The following PHKB variants were observed in gnomAD, a reference collection of about 807,000 sequenced individuals.
The protein encoded by PHKB is phosphorylase kinase regulatory subunit beta.
PHKB carries 122 observed loss-of-function variants against 152.1 expected under a neutral mutation model. The observed-to-expected ratio is 0.80, with a 90% CI of 0.69 to 0.93. PHKB has a LOEUF of 0.93. Among genes scored for constraint, PHKB ranks in the 40% least tolerant of loss-of-function variants. The probability of loss-of-function intolerance (pLI) is 0.00; values close to 1 mark genes in which losing one functional copy is unlikely to be tolerated. For missense variants in PHKB, 1,304 were observed against 1,328.4 expected (o/e 0.98, Z 0.29); for synonymous variants, 436 against 464.9 (o/e 0.94, Z 0.80).
At chr16:47,569,052 T>A (rs1026821404) in intron 7 of PHKB, among the ~76,000 whole-genome samples, 2 of 152,292 alleles carry the variant, frequency 1.3e-5, no homozygotes, top group East Asian at 3.9e-4. Flanking sequence ...TAGAGTCCAG[T>A]TTATGTCCAG....
intron 6 of PHKB, among the ~76,000 whole-genome samples, chr16:47,527,605 TA>T (rs1342278839): frequency 2.0e-5 from 3 of 152,224 alleles, no homozygotes; most frequent in African/African-American, 7.2e-5. Context: ...AGAAACACCA[TA>T]ATTTACTGTT....
At chr16:47,659,694 A>T (rs551733936) in intron 20 of PHKB, among the ~76,000 whole-genome samples, 2 of 152,352 alleles carry the variant, frequency 1.3e-5, no homozygotes, top group African/African-American at 2.4e-5. Context: ...ATTAGCCTGG[A>T]TAACCAATAC....
At chr16:47,620,870 T>A (rs1325186228) in intron 14 of PHKB, among the ~76,000 whole-genome samples, 1 of 150,608 alleles carries the variant, frequency 6.6e-6, no homozygotes, top group Non-Finnish European at 1.5e-5. Flanking sequence ...TGAGACTCTG[T>A]CTCAAAAAAA....
chr16:47,679,918 C>T (rs1973815611), intron 26 of PHKB, among the ~76,000 whole-genome samples: 1 of 152,140 alleles, frequency 6.6e-6, no homozygotes, highest in South Asian at 2.1e-4. Flanking sequence ...GCATAGATAG[C>T]TCTTATTATT....
At chr16:47,669,487 C>A in intron 26 of PHKB, 70 bp downstream of exon 26, 1 of 1,340,910 alleles carries the variant, frequency 7.5e-7, no homozygotes, top group Non-Finnish European at 1.1e-6. Flanking sequence ...CCGGCCTCTC[C>A]AAGTGAAGCA....
chr16:47,557,158 G>A (rs987260405), intron 7 of PHKB, among the ~76,000 whole-genome samples: 53 of 152,174 alleles, frequency 3.5e-4, no homozygotes, highest in Non-Finnish European at 6.3e-4. Context: ...AATAAATGGT[G>A]CTGGGAAAAC....
At chr16:47,588,146 C>G (rs1971965859) in intron 9 of PHKB, among the ~76,000 whole-genome samples, 1 of 151,992 alleles carries the variant, frequency 6.6e-6, no homozygotes, top group Admixed American at 6.6e-5. Flanking sequence ...ATTCAATTCA[C>G]TTTTTCCCCT....
At chr16:47,673,874 A>T (rs1011732308) in intron 26 of PHKB, among the ~76,000 whole-genome samples, 1 of 152,206 alleles carries the variant, frequency 6.6e-6, no homozygotes, top group Non-Finnish European at 1.5e-5. Context: ...TACAACAAAG[A>T]AATTGAGATT....
intron 7 of PHKB, among the ~76,000 whole-genome samples, chr16:47,575,952 T>C (rs995399195): frequency 4.9e-4 from 75 of 152,120 alleles, no homozygotes; most frequent in African/African-American, 1.7e-3. Context: ...GGTGCATGCC[T>C]GTACTCCCAG....
intron 14 of PHKB, among the ~76,000 whole-genome samples, chr16:47,627,132 T>A (rs1452948777): frequency 1.3e-5 from 2 of 152,240 alleles, no homozygotes; most frequent in African/African-American, 4.8e-5. Flanking sequence ...TCTTGGAATC[T>A]GTTCTCCCCT....
At position 47,627,004 on chromosome 16, in the gene PHKB, C is replaced by T. The variant is rs189947336; in HGVS notation, c.1459-14031C>T. 2.0e-5 allele frequency among the ~76,000 whole-genome samples: 3 copies of T among 152,262 alleles called. No homozygotes were observed. In the East Asian group the frequency reaches 5.8e-4, roughly 29 times the overall value. ...GTTTACTGGACTTGCTTCTTTTTCT[C>T]CCATGATTCTAAAACCTGGTTTCTT... is the stretch of plus-strand genomic sequence containing the variant. On this transcript the variant is annotated intron_variant, in intron 14 of 30. Coordinates refer to ENST00000323584, the MANE Select transcript of PHKB (RefSeq NM_000293.3).
intron 14 of PHKB, among the ~76,000 whole-genome samples, chr16:47,625,548 CT>C (rs1972695142): frequency 6.6e-6 from 1 of 152,148 alleles, no homozygotes; most frequent in Admixed American, 6.5e-5. Flanking sequence ...CCTTTGCACA[CT>C]CTTCCTTCTG....
At chr16:47,691,519 A>T (rs1196911086) in intron 27 of PHKB, among the ~76,000 whole-genome samples, 1 of 152,192 alleles carries the variant, frequency 6.6e-6, no homozygotes, top group African/African-American at 2.4e-5. Context: ...AGGCTGGGCA[A>T]CATGGCAAGA....
chr16:47,543,654 A>G (rs997533976), intron 6 of PHKB, among the ~76,000 whole-genome samples: 16 of 152,112 alleles, frequency 1.1e-4, no homozygotes, highest in African/African-American at 3.6e-4. Flanking sequence ...TTGGTAGGCT[A>G]TTAATTATTG....
chr16:47,514,897 A>G (rs1323381366), intron 5 of PHKB, among the ~76,000 whole-genome samples: 1 of 152,198 alleles, frequency 6.6e-6, no homozygotes, highest in South Asian at 2.1e-4. Context: ...TCCTTTGTTC[A>G]TAAAACTAAT....
In PHKB at chr16:47,565,125, C is replaced by T. The variant is rs186676544; in HGVS notation, c.711-15170C>T. 2.4e-4 allele frequency: 123 copies of T among 518,558 alleles called. 1 individual carries two copies. The highest frequency in any genetic ancestry group is 7.0e-4 in the Middle Eastern group (1 of 1,430). The allele number at this position is 518,558 out of a possible 1,614,324, so 32.1% of individuals were successfully genotyped here. On this transcript the variant is annotated intron_variant, in intron 7 of 30. Transcript: ENST00000323584. ...CCCTCGTTTTCATTTTCACCATCAA[C>T]GGAGACAGCAGCATACTTGCTTGCA...
At chr16:47,654,703 C>T (rs888476134) in intron 20 of PHKB, among the ~76,000 whole-genome samples, 5 of 151,016 alleles carry the variant, frequency 3.3e-5, no homozygotes, top group African/African-American at 7.3e-5. Context: ...ATCGCAAGGA[C>T]GGAAAACCGA....
intron 5 of PHKB, among the ~76,000 whole-genome samples, chr16:47,513,423 G>C (rs968632089): frequency 9.2e-5 from 14 of 152,176 alleles, no homozygotes; most frequent in African/African-American, 3.4e-4. Context: ...TAAAATGTTA[G>C]TGTAAGTCTA....
chr16:47,472,549 G>A (rs1233589472), intron 1 of PHKB, among the ~76,000 whole-genome samples: 1 of 152,120 alleles, frequency 6.6e-6, no homozygotes, highest in African/African-American at 2.4e-5. Context: ...TTGGGAGGCC[G>A]AGACGGGCGG....
Sources: allele counts gnomAD v4.1 joint callset (sites outside exome capture counted in the v4.1 genomes callset), GRCh38; gene constraint gnomAD v4.1.1; transcripts MANE v1.5; gene names NCBI Gene and HGNC (gene_info 2026-07-23, HGNC 2026-07-21).